CYRIA: variants seen among roughly 807,000 people sequenced by gnomAD.
CYRIA encodes CYFIP-related Rac1 interactor A.
CYRIA carries 15 observed loss-of-function variants against 43.9 expected under a neutral mutation model. That is an observed-to-expected ratio of 0.34 (90% CI 0.23 to 0.53). The LOEUF (loss-of-function observed/expected upper bound fraction) is 0.53, where lower values mean the gene tolerates loss of function less well. CYRIA is among the 20% of genes least tolerant of loss of function. CYRIA has a pLI of 0.94. For missense variants in CYRIA, 236 were observed against 394.2 expected (o/e 0.60, Z 3.40); for synonymous variants, 117 against 136.0 (o/e 0.86, Z 0.97).
chr2:16,642,763 A>C (rs1669711934), intron 1 of CYRIA, among the ~76,000 whole-genome samples: 2 of 152,258 alleles, frequency 1.3e-5, no homozygotes, highest in East Asian at 1.9e-4. Context: ...CTCTTTGCCT[A>C]GAATACATTT....
At chr2:16,621,646 A>G (rs1669000137) in intron 2 of CYRIA, among the ~76,000 whole-genome samples, 1 of 152,192 alleles carries the variant, frequency 6.6e-6, no homozygotes, top group African/African-American at 2.4e-5. Flanking sequence ...GTAAAGCCCA[A>G]GTGCATTCCC....
intron 1 of CYRIA, among the ~76,000 whole-genome samples, chr2:16,631,091 T>A (rs752181740): frequency 1.6e-4 from 25 of 152,114 alleles, no homozygotes; most frequent in Non-Finnish European, 3.2e-4. Flanking sequence ...TACTGTCAGA[T>A]CCTCAGATAC....
chr2:16,583,387 T>C (rs1667617897), intron 3 of CYRIA, among the ~76,000 whole-genome samples: 1 of 152,144 alleles, frequency 6.6e-6, no homozygotes, highest in Non-Finnish European at 1.5e-5. Context: ...CCTGGATGCA[T>C]GAATTAAAGG....
chr2:16,576,730 T>A (rs1667360901), intron 3 of CYRIA, among the ~76,000 whole-genome samples: 1 of 152,168 alleles, frequency 6.6e-6, no homozygotes, highest in African/African-American at 2.4e-5. Context: ...ACCCCTTTTA[T>A]GATAATGTGA....
chr2:16,560,655 C>T (rs1666691050), intron 9 of CYRIA: 1 of 324,270 alleles, frequency 3.1e-6, no homozygotes, highest in East Asian at 6.5e-5. Flanking sequence ...ATCTTCTCTA[C>T]AATATATTTA....
chr2:16,556,149 T>A lies in CYRIA; in HGVS notation c.838-1010A>T, dbSNP rs566454669. Among the ~76,000 whole-genome samples the A allele has an allele frequency of 2.0e-5, 3 of 152,246 alleles. No homozygotes were observed. The South Asian group carries it at 6.2e-4, about 32-fold the overall frequency. On this transcript the variant is annotated intron_variant, in intron 10 of 11. Transcript: ENST00000381323. ...CTTTTGTAACAGCCCTTAGAAACAT[T>A]TTCTGTCATTGTGCTTCTTGCATGT...
chr2:16,599,875 G>A (rs1430078801), intron 2 of CYRIA, among the ~76,000 whole-genome samples: 1 of 152,092 alleles, frequency 6.6e-6, no homozygotes, highest in East Asian at 1.9e-4. Context: ...TCCTGCCTTA[G>A]TTTCCCAAGA....
Position 16,637,220 on chromosome 2 carries a change from T to C in CYRIA, c.-166-13201A>G, listed in dbSNP as rs377297271. On this transcript the variant is annotated intron_variant, in intron 1 of 11. Coordinates refer to ENST00000381323, the MANE Select transcript of CYRIA (RefSeq NM_030797.4). The stretch of plus-strand genomic sequence containing the variant: ...TCTTTTCTTTTTAACTTAAAAGTTG[T>C]AATATCTAAAGCAGCAACAAGATGA... Among the ~76,000 whole-genome samples, 66 of 152,308 alleles carry C rather than the reference T, an allele frequency of 4.3e-4. 1 individual carries two copies. The South Asian group carries it at 0.014, about 32-fold the overall frequency.
intron 8 of CYRIA, 41 bp from the exon 9 acceptor site, chr2:16,561,110 C>T (rs1324737856): frequency 1.2e-6 from 2 of 1,610,876 alleles, no homozygotes; most frequent in Non-Finnish European, 1.7e-6. Flanking sequence ...CTGCTTGCAG[C>T]TCTTGTGTGG....
At chr2:16,624,859 C>T (rs1669108533) in intron 1 of CYRIA, among the ~76,000 whole-genome samples, 1 of 152,170 alleles carries the variant, frequency 6.6e-6, no homozygotes, top group African/African-American at 2.4e-5. Context: ...CAAAAAATCC[C>T]AGTGAGATAC....
intron 1 of CYRIA, among the ~76,000 whole-genome samples, chr2:16,659,111 A>G (rs1572210017): frequency 2.0e-5 from 3 of 152,298 alleles, no homozygotes; most frequent in Non-Finnish European, 4.4e-5. Flanking sequence ...CTTGAAACAC[A>G]AGCTATATTT....
chr2:16,631,403 T>G (rs139941569), intron 1 of CYRIA, among the ~76,000 whole-genome samples: 5 of 152,308 alleles, frequency 3.3e-5, no homozygotes, highest in African/African-American at 1.2e-4. Flanking sequence ...AGTGAGTAGA[T>G]GAGTGGAAAA....
intron 1 of CYRIA, among the ~76,000 whole-genome samples, chr2:16,655,033 A>G (rs768655515): frequency 1.3e-5 from 2 of 152,234 alleles, no homozygotes; most frequent in Non-Finnish European, 2.9e-5. Flanking sequence ...TTGAGCATGT[A>G]GTGTGAAAGG....
chr2:16,631,704 A>G (rs937289725), intron 1 of CYRIA, among the ~76,000 whole-genome samples: 1 of 152,218 alleles, frequency 6.6e-6, no homozygotes, highest in Non-Finnish European at 1.5e-5. Context: ...ATCTATTTGA[A>G]TTTCAGCAAA....
chr2:16,562,779 C>T (rs1041940347), intron 5 of CYRIA, among the ~76,000 whole-genome samples: 10 of 152,108 alleles, frequency 6.6e-5, no homozygotes, highest in African/African-American at 2.2e-4. Flanking sequence ...TATGACCCAT[C>T]AGCCAAATCC....
intron 2 of CYRIA, among the ~76,000 whole-genome samples, chr2:16,608,366 T>G (rs141955914): frequency 7.2e-5 from 11 of 152,232 alleles, no homozygotes; most frequent in Non-Finnish European, 1.5e-4. Flanking sequence ...CTCAGAAAAA[T>G]GCACACATGC....
chr2:16,657,231 C>T (rs750171001), intron 1 of CYRIA, among the ~76,000 whole-genome samples: 1 of 152,200 alleles, frequency 6.6e-6, no homozygotes, highest in African/African-American at 2.4e-5. Flanking sequence ...AATGTTCTCA[C>T]GCTCGGCTGA....
At chr2:16,592,959 C>T (rs1178046691) in intron 2 of CYRIA, among the ~76,000 whole-genome samples, 1 of 152,160 alleles carries the variant, frequency 6.6e-6, no homozygotes, top group Non-Finnish European at 1.5e-5. Context: ...AAAGCACCAT[C>T]TAACTGCCTG....
At chr2:16,636,332 T>C (rs1053123018) in intron 1 of CYRIA, among the ~76,000 whole-genome samples, 1 of 152,150 alleles carries the variant, frequency 6.6e-6, no homozygotes, top group Non-Finnish European at 1.5e-5. Flanking sequence ...ATTCGAGATG[T>C]GGCAAGACCC....
Sources: gnomAD v4.1 joint callset for allele counts (sites outside exome capture counted in the v4.1 genomes callset) on GRCh38, gnomAD v4.1.1 for gene constraint, MANE v1.5 for transcripts, NCBI Gene and HGNC (gene_info 2026-07-23, HGNC 2026-07-21) for gene names.